CYTH2: variants seen among roughly 807,000 people sequenced by gnomAD.
CYTH2 encodes cytohesin 2, also known as cytohesin-2.
A neutral mutation model predicts 55.4 loss-of-function variants in CYTH2; 24 were observed. The ratio of observed to expected loss-of-function variants is 0.43; its 90% CI spans 0.31 to 0.61. CYTH2 has a LOEUF of 0.61. Among genes scored for constraint, CYTH2 ranks in the 20% least tolerant of loss-of-function variants. CYTH2 has a pLI of 0.08. For synonymous variants in CYTH2, 221 were observed against 209.6 expected (o/e 1.05, Z -0.47); for missense variants, 378 against 533.5 (o/e 0.71, Z 2.87).
At chr19:48,473,176 C>T in intron 4 of CYTH2, 122 bp from the exon 5 acceptor site, 1 of 1,055,872 alleles carries the variant, frequency 9.5e-7, no homozygotes, top group Non-Finnish European at 1.4e-6. Context: ...CAGGAAACTT[C>T]ACCCTCGGCA....
At chr19:48,469,842 G>C (rs997459316) in intron 1 of CYTH2, 37 of 573,884 alleles carry the variant, frequency 6.4e-5, no homozygotes, top group Middle Eastern at 4.7e-4. Context: ...GGCCGGGGAG[G>C]GGCGCTTGGG....
At position 48,474,974 on chromosome 19, in the gene CYTH2, G is replaced by T; in HGVS notation, c.808+25G>T. On this transcript the variant is annotated intron_variant, in intron 8 of 11. Transcript: ENST00000452733. This position sits in a 1 kb window ranked among gnomAD's most constrained non-coding sequence, Gnocchi z 4.9. ...GGTACGTGCCCTCCCGACCCCGCTG[G>T]TCCCTCCGCAGGAGGACATTTGTGG... 1 of 1,606,254 alleles carries T rather than the reference G, an allele frequency of 6.2e-7. No homozygotes were observed. The highest frequency in any genetic ancestry group is 1.3e-5 in the African/African-American group (1 of 74,786).
chr19:48,469,583 G>C (rs1971740064), intron 1 of CYTH2, 57 bp downstream of exon 1: 2 of 1,325,542 alleles, frequency 1.5e-6, no homozygotes, highest in Admixed American at 3.9e-5. Flanking sequence ...TCTCCTGAAC[G>C]TTCCGCCGCG....
At chr19:48,475,037 G>T (rs1167407715) in intron 8 of CYTH2, 88 bp downstream of exon 8, 3 of 1,181,602 alleles carry the variant, frequency 2.5e-6, no homozygotes, top group Non-Finnish European at 3.6e-6. Context: ...CACACCTGCT[G>T]CCTGAACTGA....
At chr19:48,473,201 T>C (rs1446186136) in intron 4 of CYTH2, 97 bp from the exon 5 acceptor site, 12 of 1,327,706 alleles carry the variant, frequency 9.0e-6, no homozygotes, top group Non-Finnish European at 9.7e-6. Context: ...GCAGCTGTGG[T>C]GCAGTAGAGG....
chr19:48,469,635 C>T, intron 1 of CYTH2, 109 bp downstream of exon 1: 1 of 1,332,736 alleles, frequency 7.5e-7, no homozygotes. Context: ...GCGTTCGGCT[C>T]AGTCGTAGAC....
At position 48,474,824 on chromosome 19, in the gene CYTH2, C is replaced by A. The variant is rs751249746; in HGVS notation, c.697-14C>A. 8 of 1,613,634 alleles carry A rather than the reference C, an allele frequency of 5.0e-6. No homozygotes were observed. The highest frequency in any genetic ancestry group is 1.3e-5 in the African/African-American group (1 of 74,928). ...CAGGGGGCTCGAATGGCTAATGCAGCCTTTACTCCTCAGAACCTGTACGAC... is the reference window on the plus strand; with the variant it reads ...CAGGGGGCTCGAATGGCTAATGCAGACTTTACTCCTCAGAACCTGTACGAC... On this transcript the variant is annotated splice_polypyrimidine_tract_variant and intron_variant, in intron 7 of 11. Transcript: ENST00000452733. This position sits in a 1 kb window ranked among gnomAD's most constrained non-coding sequence, Gnocchi z 4.9.
At position 48,479,304 on chromosome 19, in the gene CYTH2, T is replaced by C; in HGVS notation, c.*94T>C. ...GGGGCTGTGGATCCTGGTTCCCTGT[T>C]TGGAAAATTCACCACCTCTAGCTCC... On this transcript the variant is annotated 3_prime_UTR_variant, in exon 12 of 12. Transcript: ENST00000452733. The C allele has an allele frequency of 7.4e-7, 1 of 1,356,070 alleles. No homozygotes were observed. Among genetic ancestry groups the C allele is most frequent in the South Asian group, 1.2e-5 (1 of 83,412 alleles). 84.0% of individuals were successfully genotyped at this position (1,356,070 alleles called of 1,614,324 possible).
Position 48,478,606 on chromosome 19 carries a change from C to T in CYTH2, c.1112+14C>T. 1 of 1,545,182 alleles carries T rather than the reference C, an allele frequency of 6.5e-7. No homozygotes were observed. The highest frequency in any genetic ancestry group is 8.8e-7 in the Non-Finnish European group (1 of 1,142,542). ...CAAGTCCATCCAGTGAGCCTGGACT[C>T]CTGGGCCTGATGGAGGAGGGGCTGG... is the stretch of plus-strand genomic sequence containing the variant. On this transcript the variant is annotated intron_variant, in intron 11 of 11. Transcript: ENST00000452733.
rs1230983045 is a variant in CYTH2, at chr19:48,474,176, G to T, written c.548-6G>T. 11 of 1,585,808 alleles carry T rather than the reference G, an allele frequency of 6.9e-6. No homozygotes were observed. In the East Asian group the frequency reaches 2.5e-4, roughly 36 times the overall value. ...GGGTCGTCACCACCTGCCCTGTCCG[G>T]TGCAGACACGTGCTATGTGCTGTCC... is the stretch of plus-strand genomic sequence containing the variant. On this transcript the variant is annotated splice_region_variant and splice_polypyrimidine_tract_variant and intron_variant, in intron 6 of 11. Transcript: ENST00000452733. The surrounding 1 kb of genome is among the most constrained non-coding windows in gnomAD (Gnocchi z 4.9).
At position 48,474,337 on chromosome 19, in the gene CYTH2, C is replaced by A. The variant is rs1252034972; in HGVS notation, c.696+7C>A. ...GCCTGAGGAGCTGCTCAGGGTCAGT[C>A]CCCCTTCCCTGCCCCTCAGCCCTGC... On this transcript the variant is annotated splice_region_variant and intron_variant, in intron 7 of 11. Coordinates refer to ENST00000452733, the MANE Select transcript of CYTH2 (RefSeq NM_004228.7). This position sits in a 1 kb window ranked among gnomAD's most constrained non-coding sequence, Gnocchi z 4.9. 2.5e-6 allele frequency: 4 copies of A among 1,580,406 alleles called. No homozygotes were observed. Among genetic ancestry groups the A allele is most frequent in the Non-Finnish European group, 3.4e-6 (4 of 1,163,344 alleles).
intron 8 of CYTH2, chr19:48,475,428 G>A (rs1382658624): frequency 1.9e-5 from 3 of 155,946 alleles, no homozygotes; most frequent in Non-Finnish European, 2.8e-5. Flanking sequence ...CATCCTTCCC[G>A]AAACACCACC....
In CYTH2 at chr19:48,480,511, A is replaced by G. The variant is rs986817473; in HGVS notation, c.*1301A>G. 1 of 152,162 alleles carries G rather than the reference A, an allele frequency of 6.6e-6. No individual in the cohort carries two copies. The highest frequency in any genetic ancestry group is 2.4e-5 in the African/African-American group (1 of 41,442). The allele number at this position is 152,162 out of a possible 1,614,324, so 9.4% of individuals were successfully genotyped here. On this transcript the variant is annotated 3_prime_UTR_variant, in exon 12 of 12. Coordinates refer to ENST00000452733, the MANE Select transcript of CYTH2 (RefSeq NM_004228.7). Reference sequence around the variant, plus strand: ...GGGTACCCTGCGCCCCTCCGCGGGAAGGTGGACTACAGTTATCGGCAGGCT... The same window carrying G: ...GGGTACCCTGCGCCCCTCCGCGGGAGGGTGGACTACAGTTATCGGCAGGCT...
chr19:48,472,886 T>G, intron 4 of CYTH2: 1 of 311,534 alleles, frequency 3.2e-6, no homozygotes, highest in South Asian at 3.0e-5. Context: ...ATCAGATGAT[T>G]GGAGGCCATC....
In CYTH2 at chr19:48,478,295, C is replaced by T. The variant is rs1971962343; in HGVS notation, c.906C>T (p.Ile302=). 1 of 1,613,732 alleles carries T rather than the reference C, an allele frequency of 6.2e-7. No individual in the cohort carries two copies. The highest frequency in any genetic ancestry group is 8.5e-7 in the Non-Finnish European group (1 of 1,179,978). The change falls in exon 10 of 12, where the codon ATC becomes ATT. Residue 302 remains isoleucine (I), a synonymous_variant. Coordinates refer to ENST00000452733, the MANE Select transcript of CYTH2 (RefSeq NM_004228.7). ...EYTTDKEPRG[I]IPLENLSIRE... ...TTCAGGACAAGGAGCCCCGAGGAAT[C>T]ATCCCCCTGGAGAATCTGAGCATCC...
In CYTH2 at chr19:48,470,507, G is replaced by A. The variant is rs753321871; in HGVS notation, c.167+7G>A. 8.7e-6 allele frequency: 14 copies of A among 1,613,608 alleles called. No individual in the cohort carries two copies. The highest frequency in any genetic ancestry group is 8.0e-5 in the African/African-American group (6 of 74,950). On this transcript the variant is annotated splice_region_variant and intron_variant, in intron 2 of 11. Coordinates refer to ENST00000452733, the MANE Select transcript of CYTH2 (RefSeq NM_004228.7). ...TGGAGGCCAATGAGGGCAGGTGAGG[G>A]CTGGGGCGGATGACCTAGGGGGCGT...
rs1972025309 is a variant in CYTH2 at position 48,480,366 on chromosome 19, C to T, written c.*1156C>T. ...GGCGTGCCGCGAGTTGTAGTCCCTCCTGCCCGCTGTGTTCGCTTTTGAGCT... is the reference window on the plus strand; with the variant it reads ...GGCGTGCCGCGAGTTGTAGTCCCTCTTGCCCGCTGTGTTCGCTTTTGAGCT... On this transcript the variant is annotated 3_prime_UTR_variant, in exon 12 of 12. Transcript: ENST00000452733. The T allele has an allele frequency of 6.6e-6, 1 of 152,248 alleles. No individual in the cohort carries two copies. Among genetic ancestry groups the T allele is most frequent in the African/African-American group, 2.4e-5 (1 of 41,462 alleles). The allele number at this position is 152,248 out of a possible 1,614,324, so 9.4% of individuals were successfully genotyped here.
chr19:48,472,784 G>A (rs1971830616), intron 4 of CYTH2: 2 of 386,372 alleles, frequency 5.2e-6, no homozygotes, highest in African/African-American at 4.1e-5. Context: ...GGCACTGGGT[G>A]GCCATCTGGG....
At chr19:48,478,851 G>A (rs929207406) in intron 11 of CYTH2, among the ~76,000 whole-genome samples, 3 of 149,424 alleles carry the variant, frequency 2.0e-5, no homozygotes, top group Non-Finnish European at 3.0e-5. Context: ...GGGGCCGGGG[G>A]CCTGGACTCC....
Sources: allele counts gnomAD v4.1 joint callset (sites outside exome capture counted in the v4.1 genomes callset), GRCh38; gene constraint gnomAD v4.1.1; non-coding constraint Gnocchi (gnomAD v3.1); transcripts MANE v1.5; gene names NCBI Gene and HGNC (gene_info 2026-07-23, HGNC 2026-07-21).